ELFN1: variants seen among roughly 807,000 people sequenced by gnomAD.
ELFN1 encodes protein ELFN1.
A neutral mutation model predicts 7.6 loss-of-function variants in ELFN1; 6 were observed. That is an observed-to-expected ratio of 0.79 (90% CI 0.43 to 1.56). The LOEUF is 1.56. Ranked by LOEUF, ELFN1 falls within the 40% of genes most tolerant of loss-of-function variation. ELFN1 has a pLI of 0.01. For missense variants in ELFN1, 1,169 were observed against 1,232.2 expected, an observed-to-expected ratio of 0.95 and a Z score of 0.77; for synonymous variants, 657 against 588.1, an observed-to-expected ratio of 1.12 and a Z score of -1.70.
rs1393577287 is a variant in ELFN1 at position 1,681,565 on chromosome 7, TGTTGGCCAG to T, written c.-548-6487_-548-6479del. Among the ~76,000 whole-genome samples, 17 of 152,312 alleles carry T rather than the reference TGTTGGCCAG, an allele frequency of 1.1e-4. No individual in the cohort carries two copies. The East Asian group carries it at 3.1e-3, about 28-fold the overall frequency. On this transcript the variant is annotated intron_variant, in intron 1 of 3. Transcript: ENST00000424383. ...TTTTAGTAGAGACTGGGTCTCGCCATGTTGGCCAGGTTGGTCTTGAACTCCTGACCTCAA... is the reference window on the plus strand; with the variant it reads ...TTTTAGTAGAGACTGGGTCTCGCCATGTTGGTCTTGAACTCCTGACCTCAA...
chr7:1,743,683 G>T (rs189358153), intron 3 of ELFN1, among the ~76,000 whole-genome samples: 240 of 152,300 alleles, frequency 1.6e-3, no homozygotes, highest in African/African-American at 5.6e-3. Context: ...CTGGAGAGGA[G>T]CCCGCGCCCC....
chr7:1,726,842 G>A (rs1170053907), intron 3 of ELFN1, among the ~76,000 whole-genome samples: 2 of 152,196 alleles, frequency 1.3e-5, no homozygotes, highest in East Asian at 1.9e-4. Flanking sequence ...GCCCCTGCAC[G>A]TCCCGATTCT....
intron 3 of ELFN1, among the ~76,000 whole-genome samples, chr7:1,716,103 A>G (rs4720943): frequency 0.99 from 151,493 of 152,328 alleles, 75,336 homozygotes; most frequent in Middle Eastern, 1. Context: ...GTGAGTAAGT[A>G]AATGAGAAGC....
intron 3 of ELFN1, among the ~76,000 whole-genome samples, chr7:1,729,131 A>G (rs1277908649): frequency 6.6e-6 from 1 of 152,108 alleles, no homozygotes; most frequent in Admixed American, 6.5e-5. Context: ...CCTCTGCTCA[A>G]CTCACTGCCA....
At chr7:1,671,686 C>T (rs1379408441) in intron 1 of ELFN1, among the ~76,000 whole-genome samples, 5 of 152,244 alleles carry the variant, frequency 3.3e-5, no homozygotes, top group Non-Finnish European at 5.9e-5. Flanking sequence ...TCAACATGCT[C>T]CTCTTCTCTG....
intron 2 of ELFN1, among the ~76,000 whole-genome samples, chr7:1,707,202 G>A (rs1444842682): frequency 6.6e-6 from 1 of 152,250 alleles, no homozygotes; most frequent in Non-Finnish European, 1.5e-5. Context: ...GTGACACGGT[G>A]GTTCCGTGAT....
intron 1 of ELFN1, among the ~76,000 whole-genome samples, chr7:1,675,063 G>T (rs2128574020): frequency 1.9e-5 from 1 of 51,664 alleles, no homozygotes; most frequent in East Asian, 9.0e-4. Context: ...CTGGGAGAGT[G>T]CCCTGGCCTT....
At chr7:1,734,551 C>T (rs371532273) in intron 3 of ELFN1, among the ~76,000 whole-genome samples, 1 of 152,100 alleles carries the variant, frequency 6.6e-6, no homozygotes, top group African/African-American at 2.4e-5. Context: ...CCGCTCTGGT[C>T]GGGAGGAGGC....
rs1236360712 is a variant in ELFN1, at chr7:1,746,434, C to A, written c.1838C>A (p.Ala613Glu). ...EPLAAKHGFL[A>E]PGYKDAFGHS... ...CTGGCCGCCAAGCACGGCTTCCTGG[C>A]GCCCGGGTACAAGGACGCCTTCGGC... The change falls in exon 4 of 4, where the codon GCG (alanine) becomes GAG (glutamate). Residue 613 changes from alanine (A) to glutamate (E), a missense_variant. Physicochemically the swap from Ala to Glu is moderately radical, Grantham distance 107 (BLOSUM62 -1). Coordinates refer to ENST00000424383, the MANE Select transcript of ELFN1 (RefSeq NM_001128636.4). The A allele has an allele frequency of 6.5e-7, 1 of 1,530,890 alleles. No homozygotes were observed. The highest frequency in any genetic ancestry group is 1.2e-5 in the South Asian group (1 of 83,518). The allele number at this position is 1,530,890 out of a possible 1,614,324, so 94.8% of individuals were successfully genotyped here.
chr7:1,674,378 G>A (rs553726896), intron 1 of ELFN1, among the ~76,000 whole-genome samples: 5 of 152,262 alleles, frequency 3.3e-5, no homozygotes, highest in South Asian at 4.1e-4. Context: ...ACTCAGCCCC[G>A]GTTGCCTCCC....
chr7:1,697,330 C>G (rs1053499771), intron 2 of ELFN1, among the ~76,000 whole-genome samples: 1 of 152,232 alleles, frequency 6.6e-6, no homozygotes. Context: ...GAGGAACAGT[C>G]GCGCCCCTGC....
Position 1,747,084 on chromosome 7 carries a change from GC to G in ELFN1, c.*7del, listed in dbSNP as rs1562394192. The G allele has an allele frequency of 6.7e-7, 1 of 1,485,338 alleles. No homozygotes were observed. Among genetic ancestry groups the G allele is most frequent in the Non-Finnish European group, 9.0e-7 (1 of 1,110,362 alleles). 92.0% of individuals were successfully genotyped at this position (1,485,338 alleles called of 1,614,324 possible). On this transcript the variant is annotated 3_prime_UTR_variant, in exon 4 of 4. Coordinates refer to ENST00000424383, the MANE Select transcript of ELFN1 (RefSeq NM_001128636.4). ...CGTGTCGGCCCAGCACAAGTCCTGA[GC>G]CCCCCAAGACCGGCGATGCCCACTG...
intron 2 of ELFN1, among the ~76,000 whole-genome samples, chr7:1,708,755 AC>A (rs1304127029): frequency 3.3e-5 from 5 of 151,778 alleles, no homozygotes; most frequent in African/African-American, 7.3e-5. Flanking sequence ...TACCCCAAAC[AC>A]CTGGGCCACC....
chr7:1,680,417 G>A (rs1435483999), intron 1 of ELFN1, among the ~76,000 whole-genome samples: 2 of 152,190 alleles, frequency 1.3e-5, no homozygotes, highest in African/African-American at 2.4e-5. Flanking sequence ...CCACCCTCGG[G>A]ACAAGAATCT....
At chr7:1,706,237 A>G (rs1016446117) in intron 2 of ELFN1, among the ~76,000 whole-genome samples, 1 of 152,220 alleles carries the variant, frequency 6.6e-6, no homozygotes, top group African/African-American at 2.4e-5. Context: ...AGCCTGGCCA[A>G]GATGGTGAAA....
At chr7:1,683,380 A>G (rs1779009057) in intron 1 of ELFN1, among the ~76,000 whole-genome samples, 1 of 152,162 alleles carries the variant, frequency 6.6e-6, no homozygotes, top group Non-Finnish European at 1.5e-5. Flanking sequence ...CAGATTTTCT[A>G]TTCTCACTAA....
At chr7:1,743,433 GTTCCC>G (rs1300161435) in intron 3 of ELFN1, among the ~76,000 whole-genome samples, 1 of 152,200 alleles carries the variant, frequency 6.6e-6, no homozygotes, top group Non-Finnish European at 1.5e-5. Context: ...AGAGCAAGCA[GTTCCC>G]TTCCTTCCAG....
At chr7:1,734,564 A>T (rs1369932632) in intron 3 of ELFN1, among the ~76,000 whole-genome samples, 1 of 152,078 alleles carries the variant, frequency 6.6e-6, no homozygotes, top group African/African-American at 2.4e-5. Flanking sequence ...GAGGAGGCAG[A>T]GGGGACCAGG....
At chr7:1,667,744 C>A (rs1210997318), upstream of ELFN1, among the ~76,000 whole-genome samples, 1 of 152,194 alleles carries the variant, frequency 6.6e-6, no homozygotes, top group South Asian at 2.1e-4. The surrounding 1 kb of genome is among the most constrained non-coding windows in gnomAD (Gnocchi z 8.2). Context: ...CAGGTTCCAA[C>A]CTCCCAGCTT....
Sources: allele counts gnomAD v4.1 joint callset (sites outside exome capture counted in the v4.1 genomes callset), GRCh38; gene constraint gnomAD v4.1.1; non-coding constraint Gnocchi (gnomAD v3.1); transcripts MANE v1.5; gene names NCBI Gene and HGNC (gene_info 2026-07-23, HGNC 2026-07-21).